The following PVT1 variants were observed in gnomAD, a reference collection of about 807,000 sequenced individuals.
PVT1 encodes CXCR4/PVT1 fusion.
In PVT1 at chr8:127,918,387, G is replaced by A. The variant is rs78067609; in HGVS notation, n.782+27389G>A. Among the ~76,000 whole-genome samples the A allele has an allele frequency of 6.9e-3, 1,052 of 152,254 alleles. 8 individuals are homozygous for A. The highest frequency in any genetic ancestry group is 0.024 in the African/African-American group (986 of 41,552). ...AGGCAGCTCCTCCACGGACTTGCTC[G>A]GTGAATGGAGGGCATCCTTTCTCTT... On this transcript the variant is annotated intron_variant and non_coding_transcript_variant, in intron 3 of 10. Transcript: ENST00000651587.
chr8:127,800,531 G>C (rs1217809204), intron 2 of PVT1, among the ~76,000 whole-genome samples: 1 of 152,314 alleles, frequency 6.6e-6, no homozygotes, highest in Non-Finnish European at 1.5e-5. Context: ...TTACTATGTA[G>C]TGGTAGTTGC....
chr8:127,921,581 G>C (rs762568501), intron 3 of PVT1, among the ~76,000 whole-genome samples: 7 of 152,114 alleles, frequency 4.6e-5, no homozygotes, highest in Non-Finnish European at 1.0e-4. Context: ...GGAGGCCGAG[G>C]AGGGAGGATC....
intron 6 of PVT1, among the ~76,000 whole-genome samples, chr8:128,100,533 G>A (rs549489642): frequency 6.6e-6 from 1 of 152,312 alleles, no homozygotes; most frequent in African/African-American, 2.4e-5. Context: ...AAAGGAACCT[G>A]CTGCAGGGAG....
intron 2 of PVT1, among the ~76,000 whole-genome samples, chr8:127,824,324 C>A (rs1375843538): frequency 6.6e-6 from 1 of 152,160 alleles, no homozygotes; most frequent in African/African-American, 2.4e-5. Flanking sequence ...GATGCCTGTT[C>A]CTCAGGCCCC....
chr8:127,921,854 G>GTTTTTTTGTT (rs1816063128), intron 3 of PVT1, among the ~76,000 whole-genome samples: 1 of 71,906 alleles, frequency 1.4e-5, no homozygotes, highest in African/African-American at 6.1e-5. Context: ...TTTGGTTCAT[G>GTTTTTTTGTT]TTTTTTTTTT....
At chr8:127,870,202 G>A (rs1325310623) in intron 2 of PVT1, among the ~76,000 whole-genome samples, 2 of 152,234 alleles carry the variant, frequency 1.3e-5, no homozygotes, top group South Asian at 2.1e-4. Context: ...GGAGAAGAGA[G>A]GGACATAGGA....
intron 4 of PVT1, among the ~76,000 whole-genome samples, chr8:128,036,731 C>T (rs777920463): frequency 1.8e-4 from 28 of 152,206 alleles, no homozygotes; most frequent in Non-Finnish European, 3.7e-4. Context: ...CTGTCATGTA[C>T]CTGTCAGGCA....
In PVT1 at chr8:128,056,691, T is replaced by A. The variant is rs190072012; in HGVS notation, n.913-13469T>A. Among the ~76,000 whole-genome samples, 276 of 152,246 alleles carry A rather than the reference T, an allele frequency of 1.8e-3. 2 individuals are homozygous for A. The highest frequency in any genetic ancestry group is 0.014 in the Middle Eastern group (4 of 294). On this transcript the variant is annotated intron_variant and non_coding_transcript_variant, in intron 4 of 10. Transcript: ENST00000651587. ...CTGCCCTTGGGACGCATCAGAAGTA[T>A]ATCAGTGGGTCTTGGTAAAATGCAG...
chr8:128,013,366 G>A (rs139808325), intron 4 of PVT1, among the ~76,000 whole-genome samples: 2 of 144,282 alleles, frequency 1.4e-5, no homozygotes, highest in Admixed American at 7.1e-5. Context: ...GTGTATAAAT[G>A]TATGTAAGAT....
intron 4 of PVT1, among the ~76,000 whole-genome samples, chr8:128,040,648 G>A (rs1344695629): frequency 6.6e-6 from 1 of 152,258 alleles, no homozygotes; most frequent in Non-Finnish European, 1.5e-5. Context: ...ATTGTGGGCA[G>A]AGAGGAGCCA....
chr8:128,044,388 A>G (rs546384288), intron 4 of PVT1, among the ~76,000 whole-genome samples: 1 of 152,292 alleles, frequency 6.6e-6, no homozygotes, highest in Non-Finnish European at 1.5e-5. Context: ...TTCCCTGGAA[A>G]ATGGTAAGTG....
At chr8:127,858,114 G>A (rs1815180548) in intron 2 of PVT1, among the ~76,000 whole-genome samples, 1 of 152,200 alleles carries the variant, frequency 6.6e-6, no homozygotes, top group South Asian at 2.1e-4. Flanking sequence ...TCTTAGGCTG[G>A]GTGTGGTGGC....
At chr8:128,098,853 C>G (rs965829191) in intron 6 of PVT1, among the ~76,000 whole-genome samples, 4 of 152,198 alleles carry the variant, frequency 2.6e-5, no homozygotes, top group Non-Finnish European at 4.4e-5. Flanking sequence ...CCCCTGTGGA[C>G]AGGGACTTTT....
intron 4 of PVT1, among the ~76,000 whole-genome samples, chr8:127,999,550 C>T (rs968100380): frequency 2.0e-5 from 3 of 151,930 alleles, no homozygotes; most frequent in Non-Finnish European, 4.4e-5. Context: ...CAACCTCGCT[C>T]TCCCAGGTTC....
In PVT1 at chr8:127,803,723, G is replaced by GTTT. The variant is rs11395238; in HGVS notation, n.372+7665_372+7667dup. Among the ~76,000 whole-genome samples the GTTT allele has an allele frequency of 1.9e-4, 27 of 141,882 alleles. 2 individuals carry two copies. Among genetic ancestry groups the GTTT allele is most frequent in the Non-Finnish European group, 2.3e-4 (15 of 65,510 alleles). The allele number at this position is 141,882 out of a possible 152,430, so 93.1% of individuals were successfully genotyped here. A position where few individuals can be genotyped will look rare whatever the true frequency, so the allele number is the denominator to read the frequency against. On this transcript the variant is annotated intron_variant and non_coding_transcript_variant, in intron 2 of 10. Coordinates refer to ENST00000651587, the Ensembl canonical transcript of PVT1. ...AACATAGTGAGATCCTGTCTCTACA[G>GTTT]TTTTTTTTTTTTTTTGAGACGGAAT...
intron 3 of PVT1, among the ~76,000 whole-genome samples, chr8:127,921,429 A>G (rs919144130): frequency 5.9e-5 from 9 of 152,192 alleles, no homozygotes; most frequent in African/African-American, 9.7e-5. Flanking sequence ...AAGGAAGTTT[A>G]TATTTTGTGA....
intron 3 of PVT1, among the ~76,000 whole-genome samples, chr8:127,976,176 A>G (rs1233232636): frequency 1.3e-5 from 2 of 152,206 alleles, no homozygotes; most frequent in African/African-American, 4.8e-5. Context: ...GCAGAATCTC[A>G]GAGTTAAAAG....
chr8:128,004,802 T>C (rs1817226701), intron 4 of PVT1, among the ~76,000 whole-genome samples: 1 of 152,192 alleles, frequency 6.6e-6, no homozygotes, highest in African/African-American at 2.4e-5. Context: ...TGCCTTTCTC[T>C]ATGTTGTTGC....
At chr8:127,897,234 G>C (rs879427875) in intron 3 of PVT1, among the ~76,000 whole-genome samples, 1 of 152,326 alleles carries the variant, frequency 6.6e-6, no homozygotes, top group East Asian at 1.9e-4. Context: ...GTGCAGGACC[G>C]TGGCCTTGGC....
Sources: gnomAD v4.1 joint callset for allele counts (sites outside exome capture counted in the v4.1 genomes callset) on GRCh38, gnomAD v4.1.1 for gene constraint, MANE v1.5 for transcripts, NCBI Gene and HGNC (gene_info 2026-07-23, HGNC 2026-07-21) for gene names.